TPRG1: variants seen among roughly 807,000 people sequenced by gnomAD.
TPRG1 encodes tumor protein p63 regulated 1.
TPRG1 carries 29 observed loss-of-function variants against 29.3 expected under a neutral mutation model. The observed-to-expected ratio is 0.99, with a 90% CI of 0.74 to 1.35. The LOEUF (loss-of-function observed/expected upper bound fraction) is 1.35. Among genes scored for constraint, TPRG1 ranks in the 40% most tolerant of loss-of-function variants. The probability of loss-of-function intolerance (pLI) is 0.00; values close to 1 mark genes in which losing one functional copy is unlikely to be tolerated. For synonymous variants in TPRG1, 130 were observed against 116.8 expected (o/e 1.11, Z -0.73); for missense variants, 327 against 335.0 (o/e 0.98, Z 0.19).
chr3:189,004,868 T>C (rs2152121769), intron 3 of TPRG1: 1 of 152,246 alleles, frequency 6.6e-6, no homozygotes, highest in Non-Finnish European at 1.5e-5. Flanking sequence ...ATTTTTATTT[T>C]TAATTTTTGT....
chr3:189,063,786 G>C (rs1716266742), intron 4 of TPRG1, among the ~76,000 whole-genome samples: 1 of 152,146 alleles, frequency 6.6e-6, no homozygotes, highest in South Asian at 2.1e-4. Flanking sequence ...ATTTATAGCA[G>C]TAAAAACTTA....
intron 3 of TPRG1, among the ~76,000 whole-genome samples, chr3:189,014,286 T>C (rs1712806320): frequency 6.6e-6 from 1 of 152,170 alleles, no homozygotes; most frequent in East Asian, 1.9e-4. Flanking sequence ...TGGCTGGATA[T>C]GAAATTCTTG....
Position 189,182,917 on chromosome 3 carries a change from C to T in TPRG1, c.-10+10786C>T, listed in dbSNP as rs546114797. Among the ~76,000 whole-genome samples, 83 of 152,292 alleles carry T rather than the reference C, an allele frequency of 5.5e-4. 1 individual carries two copies. The South Asian group carries it at 0.017, about 31-fold the overall frequency. ...CAATCAAGCTAATTAACATACCCAT[C>T]ACCTCACTTAGTTATAATTTTTTGT... On this transcript the variant is annotated intron_variant, in intron 1 of 5. Transcript: ENST00000345063.
chr3:189,272,719 CCTTCCT>C (rs1560633425), intron 4 of TPRG1, among the ~76,000 whole-genome samples: 119 of 121,984 alleles, frequency 9.8e-4, no homozygotes, highest in African/African-American at 3.8e-3. Flanking sequence ...CTTTCTCCTT[CCTTCCT>C]TCCTTCCTTC....
chr3:189,030,373 T>A (rs1171483064), intron 4 of TPRG1, among the ~76,000 whole-genome samples: 4 of 152,258 alleles, frequency 2.6e-5, no homozygotes, highest in African/African-American at 9.6e-5. Flanking sequence ...GATTTTTTTC[T>A]GGCAATACTA....
rs1189247522 is a variant in TPRG1 at position 189,323,174 on chromosome 3, G to A, written c.*2354G>A. The A allele has an allele frequency of 1.3e-5, 2 of 152,086 alleles. No individual in the cohort carries two copies. Among genetic ancestry groups the A allele is most frequent in the African/African-American group, 4.8e-5 (2 of 41,426 alleles). 9.4% of individuals were successfully genotyped at this position (152,086 alleles called of 1,614,324 possible). On this transcript the variant is annotated 3_prime_UTR_variant, in exon 6 of 6. Transcript: ENST00000345063. ...GTTCAAGGAAAGACTAGATAAAGTC[G>A]ATATTGTGAGAGGAATTGCTGTATG... is the stretch of plus-strand genomic sequence containing the variant.
chr3:189,150,025 G>A (rs905989664), intron 4 of TPRG1, among the ~76,000 whole-genome samples: 5 of 152,152 alleles, frequency 3.3e-5, no homozygotes, highest in Admixed American at 3.3e-4. Context: ...GATGTACCCA[G>A]TGCCAAATTC....
At chr3:189,107,844 A>G (rs1720006734) in intron 1 of TPRG1, among the ~76,000 whole-genome samples, 1 of 152,050 alleles carries the variant, frequency 6.6e-6, no homozygotes. Flanking sequence ...TTATCTCTCT[A>G]TGGAATCATC....
At chr3:189,218,248 G>A (rs1426946773) in intron 3 of TPRG1, among the ~76,000 whole-genome samples, 1 of 151,862 alleles carries the variant, frequency 6.6e-6, no homozygotes, top group Non-Finnish European at 1.5e-5. Flanking sequence ...TGAGTAGCTG[G>A]GACTACAGGC....
chr3:189,321,609 C>T lies in TPRG1; in HGVS notation c.*789C>T, dbSNP rs1317793999. The T allele has an allele frequency of 6.6e-6, 1 of 152,054 alleles. No individual in the cohort carries two copies. Among genetic ancestry groups the T allele is most frequent in the Non-Finnish European group, 1.5e-5 (1 of 67,986 alleles). 9.4% of individuals were successfully genotyped at this position (152,054 alleles called of 1,614,324 possible). ...AGATCAGGTTTTTAATTCTGCTCAA[C>T]CAATTATTACCACAGCCTGTTAAAT... On this transcript the variant is annotated 3_prime_UTR_variant, in exon 6 of 6. Coordinates refer to ENST00000345063, the MANE Select transcript of TPRG1 (RefSeq NM_198485.4).
At chr3:189,320,124 C>T (rs994725364) in intron 5 of TPRG1, among the ~76,000 whole-genome samples, 18 of 151,926 alleles carry the variant, frequency 1.2e-4, no homozygotes, top group Admixed American at 2.0e-4. Flanking sequence ...TCTGCAATCA[C>T]GAGAATGTGA....
intron 3 of TPRG1, among the ~76,000 whole-genome samples, chr3:189,133,961 A>G (rs757551529): frequency 6.6e-6 from 1 of 152,214 alleles, no homozygotes; most frequent in Admixed American, 6.5e-5. Context: ...AAAGTTGCTC[A>G]CTTCATAGAA....
At chr3:189,040,327 C>T (rs910526258) in intron 4 of TPRG1, among the ~76,000 whole-genome samples, 2 of 152,204 alleles carry the variant, frequency 1.3e-5, no homozygotes, top group African/African-American at 2.4e-5. Context: ...TAGCCATCCT[C>T]CTAGTTATTT....
intron 4 of TPRG1, among the ~76,000 whole-genome samples, chr3:189,067,125 A>T (rs1421341803): frequency 6.6e-6 from 1 of 152,182 alleles, no homozygotes; most frequent in Non-Finnish European, 1.5e-5. Flanking sequence ...AAGAAGTGAA[A>T]GATCTCTACA....
At chr3:189,081,431 G>A (rs1359901188) in intron 4 of TPRG1, among the ~76,000 whole-genome samples, 3 of 152,140 alleles carry the variant, frequency 2.0e-5, no homozygotes, top group African/African-American at 7.2e-5. Context: ...GGCAAGTCAG[G>A]GCAGGATGAG....
intron 4 of TPRG1, among the ~76,000 whole-genome samples, chr3:189,074,967 A>G (rs1287577272): frequency 1.5e-4 from 22 of 151,314 alleles, no homozygotes; most frequent in South Asian, 2.1e-4. Context: ...GCCCGCCACC[A>G]CGCCCGGCTA....
chr3:189,074,363 G>A (rs1716999886), intron 4 of TPRG1, among the ~76,000 whole-genome samples: 1 of 151,542 alleles, frequency 6.6e-6, no homozygotes, highest in East Asian at 1.9e-4. Flanking sequence ...CCGCCACTAC[G>A]CCCGGCTAAT....
At chr3:189,135,428 C>T (rs915806229) in intron 3 of TPRG1, among the ~76,000 whole-genome samples, 3 of 152,346 alleles carry the variant, frequency 2.0e-5, no homozygotes, top group South Asian at 4.1e-4. Flanking sequence ...AAATACTTTT[C>T]TTCTCAGATG....
chr3:189,050,097 T>C (rs187707860), intron 4 of TPRG1, among the ~76,000 whole-genome samples: 1 of 151,736 alleles, frequency 6.6e-6, no homozygotes, highest in Non-Finnish European at 1.5e-5. Context: ...AAGAACTAAA[T>C]GAAACTGAAA....
Sources: allele counts gnomAD v4.1 joint callset (sites outside exome capture counted in the v4.1 genomes callset), GRCh38; gene constraint gnomAD v4.1.1; transcripts MANE v1.5; gene names NCBI Gene and HGNC (gene_info 2026-07-23, HGNC 2026-07-21).